ULK2: variants seen among roughly 807,000 people sequenced by gnomAD.
ULK2 encodes the protein unc-51 like autophagy activating kinase 2, also known as serine/threonine-protein kinase ULK2.
In ULK2, 76 loss-of-function variants were observed where a neutral mutation model predicts 127.5. The ratio of observed to expected loss-of-function variants is 0.60; its 90% confidence interval spans 0.50 to 0.72. The LOEUF is 0.72. ULK2 is among the 30% of genes least tolerant of loss of function. The probability of loss-of-function intolerance (pLI) is 0.00; values close to 1 mark genes in which losing one functional copy is unlikely to be tolerated. For missense variants in ULK2, 1,144 were observed against 1,295.9 expected (o/e 0.88, Z 1.80); for synonymous variants, 452 against 461.9 (o/e 0.98, Z 0.28).
At position 19,794,220 on chromosome 17, in the gene ULK2, G is replaced by A. The variant is rs2087216430; in HGVS notation, c.2101+1402C>T. ...GAAGAAGAAGAAGAAAAAAAGAACA[G>A]ACTAAGAACAATGGAGCCAGTGCCC... On this transcript the variant is annotated intron_variant, in intron 20 of 26. Transcript: ENST00000395544. 2.0e-5 allele frequency among the ~76,000 whole-genome samples: 3 copies of A among 152,096 alleles called. No individual in the cohort carries two copies. In the South Asian group the frequency reaches 6.2e-4, roughly 32 times the overall value.
chr17:19,799,897 G>GT (rs2087359780), intron 16 of ULK2, among the ~76,000 whole-genome samples: 1 of 152,224 alleles, frequency 6.6e-6, no homozygotes, highest in African/African-American at 2.4e-5. Flanking sequence ...GTCCGGGCTT[G>GT]TGGAGCTGCA....
intron 10 of ULK2, among the ~76,000 whole-genome samples, chr17:19,833,708 A>G (rs1018846148): frequency 2.0e-5 from 3 of 152,228 alleles, no homozygotes; most frequent in Non-Finnish European, 4.4e-5. Flanking sequence ...AAAAAGTACA[A>G]TAACTGAATA....
Position 19,846,882 on chromosome 17 carries a change from G to T in ULK2, c.324C>A (p.Ile108=). 1 of 1,612,418 alleles carries T rather than the reference G, an allele frequency of 6.2e-7. No individual in the cohort carries two copies. The highest frequency in any genetic ancestry group is 8.5e-7 in the Non-Finnish European group (1 of 1,179,402). The part of the protein sequence containing the change: ...QAKGTLSEDT[I]RVFLHQIAAA... ...CAGCAATCTGATGCAGAAACACTCTGATCGTGTCTTCACTGAGAGTCCCTT... is the reference window on the plus strand; with the variant it reads ...CAGCAATCTGATGCAGAAACACTCTTATCGTGTCTTCACTGAGAGTCCCTT... Residue 108 remains isoleucine, a synonymous_variant, in exon 6 of 27, where the codon ATC becomes ATA. Transcript: ENST00000395544.
Position 19,849,467 on chromosome 17 carries a change from T to C in ULK2, c.259-62A>G, listed in dbSNP as rs920979244. On this transcript the variant is annotated intron_variant, in intron 4 of 26. Coordinates refer to ENST00000395544, the MANE Select transcript of ULK2 (RefSeq NM_014683.4). ...AGTGATTCAAGATTAATTCAATCCATTCTCAATTGTGATTAAAAAATCATT... is the reference window on the plus strand; with the variant it reads ...AGTGATTCAAGATTAATTCAATCCACTCTCAATTGTGATTAAAAAATCATT... The C allele has an allele frequency of 2.1e-6, 3 of 1,449,496 alleles. No homozygotes were observed. In the African/African-American group the frequency reaches 4.2e-5, roughly 20 times the overall value. The allele number at this position is 1,449,496 out of a possible 1,614,324, so 89.8% of individuals were successfully genotyped here. A position where few individuals can be genotyped will look rare whatever the true frequency, so the allele number is the denominator to read the frequency against.
intron 3 of ULK2, among the ~76,000 whole-genome samples, chr17:19,850,950 G>A (rs1267850546): frequency 3.3e-5 from 5 of 152,168 alleles, no homozygotes; most frequent in African/African-American, 1.2e-4. Context: ...AGGCCAAGGT[G>A]GGAGGATCAC....
chr17:19,838,497 T>C lies in ULK2; in HGVS notation c.787+4A>G. 1 of 1,605,212 alleles carries C rather than the reference T, an allele frequency of 6.2e-7. No homozygotes were observed. The highest frequency in any genetic ancestry group is 8.5e-7 in the Non-Finnish European group (1 of 1,176,550). On this transcript the variant is annotated splice_donor_region_variant and intron_variant, in intron 10 of 26. Transcript: ENST00000395544. ...AACATGCAAAAGTTAAAACTATTTC[T>C]TACCAAAGTCCATTCTATCTTTTTG...
At chr17:19,781,230 CTTCTTTCTTTTCT>C in intron 23 of ULK2, 126 bp from the exon 24 acceptor site, 1 of 564,984 alleles carries the variant, frequency 1.8e-6, no homozygotes, top group Non-Finnish European at 3.0e-6. Context: ...GATTTCTTTT[CTTCTTTCTTTTCT>C]TTTTTTTTTT....
At chr17:19,836,583 C>A (rs2041603135) in intron 10 of ULK2, among the ~76,000 whole-genome samples, 1 of 151,660 alleles carries the variant, frequency 6.6e-6, no homozygotes, top group Non-Finnish European at 1.5e-5. Flanking sequence ...CCAGGCTGGG[C>A]AACAAGAGCA....
At chr17:19,810,148 G>A (rs1261780633) in intron 14 of ULK2, among the ~76,000 whole-genome samples, 7 of 150,256 alleles carry the variant, frequency 4.7e-5, no homozygotes, top group Non-Finnish European at 1.0e-4. Context: ...GGAGAATGGC[G>A]TGAACCCAGA....
intron 7 of ULK2, among the ~76,000 whole-genome samples, chr17:19,843,561 T>C (rs562240132): frequency 1.1e-4 from 17 of 151,390 alleles, no homozygotes; most frequent in African/African-American, 4.1e-4. Context: ...ATACATACCA[T>C]AGGACAGAGG....
In ULK2 at chr17:19,852,044, CAAAAAAAAAAA is replaced by C. The variant is rs201031615; in HGVS notation, c.226-2281_226-2271del. 6.1e-5 allele frequency among the ~76,000 whole-genome samples: 3 copies of C among 49,162 alleles called. 1 individual carries two copies. The highest frequency in any genetic ancestry group is 4.6e-4 in the Admixed American group (2 of 4,306). 32.3% of individuals were successfully genotyped at this position (49,162 alleles called of 152,430 possible). On this transcript the variant is annotated intron_variant, in intron 3 of 26. Transcript: ENST00000395544. The stretch of plus-strand genomic sequence containing the variant: ...CTGGCAACAGAATGAGACTCCATCT[CAAAAAAAAAAA>C]AAAAAAAAAAAATACAAAAATTAGC...
chr17:19,830,705 T>C (rs892508088), intron 10 of ULK2, among the ~76,000 whole-genome samples: 3 of 151,886 alleles, frequency 2.0e-5, no homozygotes, highest in African/African-American at 7.3e-5. Flanking sequence ...CAAAACACTC[T>C]TGTGTTACTC....
At chr17:19,800,801 C>T (rs1411224442) in intron 16 of ULK2, among the ~76,000 whole-genome samples, 2 of 152,164 alleles carry the variant, frequency 1.3e-5, no homozygotes, top group Non-Finnish European at 2.9e-5. Flanking sequence ...GCGTGCACCA[C>T]CTGTTCTTCC....
chr17:19,804,462 A>G (rs1213002257), intron 15 of ULK2, among the ~76,000 whole-genome samples: 1 of 151,826 alleles, frequency 6.6e-6, no homozygotes, highest in Non-Finnish European at 1.5e-5. Context: ...ATGTATACTT[A>G]ACATATATAA....
chr17:19,834,150 G>A (rs1013302787), intron 10 of ULK2, among the ~76,000 whole-genome samples: 1 of 151,792 alleles, frequency 6.6e-6, no homozygotes, highest in African/African-American at 2.4e-5. Flanking sequence ...AGGCCAGAAA[G>A]CAGTAAGATG....
intron 26 of ULK2, among the ~76,000 whole-genome samples, chr17:19,777,011 CTGTATCTA>C (rs1285309113): frequency 6.6e-6 from 1 of 152,252 alleles, no homozygotes; most frequent in East Asian, 1.9e-4. Context: ...GCAGGCACTG[CTGTATCTA>C]TGTATCTATC....
At chr17:19,857,001 AAAAG>A (rs1215562066) in intron 3 of ULK2, among the ~76,000 whole-genome samples, 1 of 149,342 alleles carries the variant, frequency 6.7e-6, no homozygotes, top group African/African-American at 2.5e-5. Context: ...AAAAAAAAAA[AAAAG>A]AGTTTTAAAA....
rs541015555 is a variant in ULK2 at position 19,820,765 on chromosome 17, A to C, written c.925-3845T>G. ...CACTAATTCTTGCAATCTTTCTTCA[A>C]AACTCAGCTCAAACAATCCCCTCTT... On this transcript the variant is annotated intron_variant, in intron 12 of 26. Coordinates refer to ENST00000395544, the MANE Select transcript of ULK2 (RefSeq NM_014683.4). Among the ~76,000 whole-genome samples the C allele has an allele frequency of 2.6e-5, 4 of 152,272 alleles. No homozygotes were observed. In the South Asian group the frequency reaches 8.3e-4, roughly 32 times the overall value.
intron 3 of ULK2, among the ~76,000 whole-genome samples, chr17:19,862,777 G>C (rs2042270296): frequency 1.3e-5 from 2 of 151,948 alleles, no homozygotes; most frequent in Non-Finnish European, 2.9e-5. Flanking sequence ...AAAAATGACA[G>C]TATTTTTTAA....
Sources: allele counts gnomAD v4.1 joint callset (sites outside exome capture counted in the v4.1 genomes callset), GRCh38; gene constraint gnomAD v4.1.1; transcripts MANE v1.5; gene names NCBI Gene and HGNC (gene_info 2026-07-23, HGNC 2026-07-21).